The following ERI1 variants were observed in gnomAD, a reference collection of about 807,000 sequenced individuals.
The protein encoded by ERI1 is 3'-5' exoribonuclease 1.
In ERI1, 39 loss-of-function variants were observed where a neutral mutation model predicts 39.7. That is an observed-to-expected ratio of 0.98 (90% confidence interval 0.76 to 1.28). ERI1 has a LOEUF of 1.28. ERI1 is among the 50% of genes most tolerant of loss of function. The pLI, the probability that ERI1 is intolerant of heterozygous loss-of-function variation, is 0.00. For missense variants in ERI1, 581 were observed against 416.9 expected, an observed-to-expected ratio of 1.39 and a Z score of -3.43; for synonymous variants, 204 against 149.6, an observed-to-expected ratio of 1.36 and a Z score of -2.65.
intron 6 of ERI1, among the ~76,000 whole-genome samples, chr8:9,022,278 T>A (rs1394676328): frequency 2.6e-5 from 4 of 152,150 alleles, no homozygotes; most frequent in African/African-American, 4.8e-5. Flanking sequence ...CTGACTGTTT[T>A]AAAAAAAATT....
chr8:9,035,934 A>T (rs773808190), downstream of ERI1, among the ~76,000 whole-genome samples: 3 of 152,150 alleles, frequency 2.0e-5, no homozygotes, highest in Admixed American at 6.5e-5. Flanking sequence ...GTCCTCATGG[A>T]TGACTTTTAG....
intron 2 of ERI1, among the ~76,000 whole-genome samples, chr8:9,008,367 A>G (rs1449030002): frequency 6.6e-6 from 1 of 152,214 alleles, no homozygotes; most frequent in Non-Finnish European, 1.5e-5. Context: ...AAATATTTTA[A>G]TGACCTACCG....
At chr8:9,081,945 G>C (rs1009608396) in intron 3 of ERI1, among the ~76,000 whole-genome samples, 1 of 152,106 alleles carries the variant, frequency 6.6e-6, no homozygotes, top group Non-Finnish European at 1.5e-5. Flanking sequence ...TTGTTTTTCT[G>C]AGCAAAAGTT....
intron 1 of ERI1, among the ~76,000 whole-genome samples, chr8:9,004,949 A>G (rs1037555791): frequency 3.3e-5 from 5 of 152,084 alleles, no homozygotes; most frequent in African/African-American, 1.2e-4. Flanking sequence ...CGGCCTCCCA[A>G]AGTGCTGGGA....
chr8:9,037,658 AAAGGTAGCGT>A (rs1383883692), downstream of ERI1, among the ~76,000 whole-genome samples: 1 of 152,140 alleles, frequency 6.6e-6, no homozygotes, highest in Non-Finnish European at 1.5e-5. Context: ...TGAAATTGCA[AAAGGTAGCGT>A]AAGTCCTGAC....
intron 3 of ERI1, among the ~76,000 whole-genome samples, chr8:9,077,761 C>A (rs908365952): frequency 2.6e-5 from 4 of 152,198 alleles, no homozygotes; most frequent in Non-Finnish European, 2.9e-5. Flanking sequence ...TGGAGGAACT[C>A]CCCTTTAGTC....
intron 3 of ERI1, among the ~76,000 whole-genome samples, chr8:9,095,198 T>C (rs925199027): frequency 1.3e-5 from 2 of 152,192 alleles, no homozygotes; most frequent in African/African-American, 4.8e-5. Flanking sequence ...GAAAACACTT[T>C]TAAATTTTAG....
At chr8:9,003,685 G>C (rs1244682064) in intron 1 of ERI1, among the ~76,000 whole-genome samples, 1 of 152,080 alleles carries the variant, frequency 6.6e-6, no homozygotes. Context: ...CATAGTATAA[G>C]ATTGAATGAA....
intron 6 of ERI1, among the ~76,000 whole-genome samples, chr8:9,029,578 A>T (rs1410887910): frequency 6.6e-6 from 1 of 151,990 alleles, no homozygotes; most frequent in South Asian, 2.1e-4. Context: ...TGATCTGCCC[A>T]CCTTGGCCTC....
At chr8:9,019,124 C>T (rs548221713) in intron 5 of ERI1, among the ~76,000 whole-genome samples, 1 of 152,102 alleles carries the variant, frequency 6.6e-6, no homozygotes, top group African/African-American at 2.4e-5. Context: ...AGTGTATGCC[C>T]AAAAAGCATT....
chr8:9,016,223 C>G (rs1817267456), intron 3 of ERI1, 99 bp from the exon 4 acceptor site: 3 of 570,278 alleles, frequency 5.3e-6, no homozygotes, highest in East Asian at 3.1e-5. Context: ...CCGTGAGATC[C>G]TATGAAATTG....
intron 3 of ERI1, among the ~76,000 whole-genome samples, chr8:9,057,243 C>G (rs930226087): frequency 2.0e-5 from 3 of 152,150 alleles, no homozygotes; most frequent in African/African-American, 7.2e-5. Flanking sequence ...CTCCTGGGTT[C>G]AAGTGATCCT....
At chr8:9,046,490 C>T (rs991679562) in intron 3 of ERI1, among the ~76,000 whole-genome samples, 20 of 152,320 alleles carry the variant, frequency 1.3e-4, no homozygotes, top group African/African-American at 4.8e-4. Flanking sequence ...AGAAATTCCC[C>T]TCTCCGGCTA....
intron 3 of ERI1, among the ~76,000 whole-genome samples, chr8:9,066,976 T>C (rs986349415): frequency 6.6e-6 from 1 of 152,154 alleles, no homozygotes; most frequent in South Asian, 2.1e-4. Flanking sequence ...TAAACGCCCA[T>C]GAACTGGGAG....
intron 1 of ERI1, 106 bp downstream of exon 1, chr8:9,003,277 G>T (rs1585173624): frequency 3.1e-6 from 2 of 639,252 alleles, no homozygotes; most frequent in East Asian, 6.9e-5. Context: ...GCAGCTGTGC[G>T]CCCTTGGACC....
chr8:9,031,411 A>T lies in ERI1; in HGVS notation c.*1377A>T, dbSNP rs928344710. ...GAATAATGTGTAAATAACAGAAGGC[A>T]TATGAGAGTGTGGTGTTCCTAGATG... On this transcript the variant is annotated 3_prime_UTR_variant, in exon 7 of 7. Transcript: ENST00000250263. The T allele has an allele frequency of 1.2e-4, 18 of 152,368 alleles. No homozygotes were observed. The highest frequency in any genetic ancestry group is 5.8e-4 in the East Asian group (3 of 5,190). The allele number at this position is 152,368 out of a possible 1,614,324, so 9.4% of individuals were successfully genotyped here. A position where few individuals can be genotyped will look rare whatever the true frequency, so the allele number is the denominator to read the frequency against.
chr8:9,035,435 C>T (rs1294753647), downstream of ERI1, among the ~76,000 whole-genome samples: 2 of 152,136 alleles, frequency 1.3e-5, no homozygotes, highest in Admixed American at 1.3e-4. Context: ...AATCCTAGGG[C>T]CCTTATGCTA....
At chr8:9,060,276 C>T (rs924981818) in intron 3 of ERI1, among the ~76,000 whole-genome samples, 12 of 152,274 alleles carry the variant, frequency 7.9e-5, no homozygotes, top group Admixed American at 5.2e-4. Flanking sequence ...GAAATGACCG[C>T]GGTGGCCTTC....
intron 3 of ERI1, among the ~76,000 whole-genome samples, chr8:9,086,149 C>A (rs962302114): frequency 6.6e-6 from 1 of 152,156 alleles, no homozygotes; most frequent in South Asian, 2.1e-4. Context: ...TGTGGTGGCT[C>A]ACACCTATAA....
Sources: gnomAD v4.1 joint callset for allele counts (sites outside exome capture counted in the v4.1 genomes callset) on GRCh38, gnomAD v4.1.1 for gene constraint, MANE v1.5 for transcripts, NCBI Gene and HGNC (gene_info 2026-07-23, HGNC 2026-07-21) for gene names.